BDNF: variants seen among roughly 807,000 people sequenced by gnomAD.
The protein encoded by BDNF is brain derived neurotrophic factor.
Under a neutral mutation model 19.5 loss-of-function variants are expected in BDNF, and 1 was observed. That is an observed-to-expected ratio of 0.05 (90% confidence interval 0.02 to 0.24). BDNF has a LOEUF of 0.24. Ranked by LOEUF, BDNF falls within the 10% of genes least tolerant of loss-of-function variation. The pLI, the probability that BDNF is intolerant of heterozygous loss-of-function variation, is 1.00. For synonymous variants in BDNF, 100 were observed against 121.6 expected, an observed-to-expected ratio of 0.82 and a Z score of 1.17; for missense variants, 195 against 317.6, an observed-to-expected ratio of 0.61 and a Z score of 2.93.
At chr11:27,718,354 A>ACAAC (rs1554950385) in intron 1 of BDNF, among the ~76,000 whole-genome samples, 3 of 101,112 alleles carry the variant, frequency 3.0e-5, no homozygotes, top group Non-Finnish European at 6.1e-5. Context: ...TCCGCACACC[A>ACAAC]CCCCCCCCCG....
chr11:27,678,172 T>TAATA (rs537310665), intron 1 of BDNF, among the ~76,000 whole-genome samples: 60 of 152,294 alleles, frequency 3.9e-4, no homozygotes, highest in Non-Finnish European at 6.6e-4. Context: ...CTTACCACTG[T>TAATA]AATATGATGA....
rs376946177 is a variant in BDNF at position 27,658,668 on chromosome 11, A to G, written c.-21-83T>C. ...ATGCCATGTGGCCCATCTGATTGTA[A>G]TTCCAGGCCATTCTGCAGGGTCAAG... is the stretch of plus-strand genomic sequence containing the variant. On this transcript the variant is annotated intron_variant, in intron 1 of 1. Coordinates refer to ENST00000356660, the MANE Select transcript of BDNF (RefSeq NM_001709.5). The surrounding 1 kb of genome is among the most constrained non-coding windows in gnomAD (Gnocchi z 5.7). 2.5e-6 allele frequency: 4 copies of G among 1,611,498 alleles called. No homozygotes were observed. Among genetic ancestry groups the G allele is most frequent in the East Asian group, 4.5e-5 (2 of 44,872 alleles).
intron 1 of BDNF, chr11:27,720,428 C>T (rs1860704867): frequency 1.0e-6 from 1 of 985,830 alleles, no homozygotes; most frequent in Non-Finnish European, 1.2e-6. Context: ...AGTATACCAA[C>T]CCGGAGCTTG....
chr11:27,655,262 G>C lies in BDNF; in HGVS notation c.*2559C>G, dbSNP rs368036351. 5.2e-5 allele frequency: 8 copies of C among 152,424 alleles called. No individual in the cohort carries two copies. Among genetic ancestry groups the C allele is most frequent in the African/African-American group, 1.9e-4 (8 of 41,388 alleles). The allele number at this position is 152,424 out of a possible 1,614,324, so 9.4% of individuals were successfully genotyped here. On this transcript the variant is annotated 3_prime_UTR_variant, in exon 2 of 2. Transcript: ENST00000356660. Reference sequence around the variant, plus strand: ...AAACAAAACAAAACAGAACAAGAACGAACACAACAGAGAGAGATTTTAACA... The same window carrying C: ...AAACAAAACAAAACAGAACAAGAACCAACACAACAGAGAGAGATTTTAACA...
At chr11:27,671,532 G>T (rs1423621417) in intron 1 of BDNF, among the ~76,000 whole-genome samples, 1 of 152,052 alleles carries the variant, frequency 6.6e-6, no homozygotes, top group Non-Finnish European at 1.5e-5. Context: ...TTGATTTCAT[G>T]CAACCTAAAG....
Position 27,675,945 on chromosome 11 carries a change from A to G in BDNF, c.-21-17360T>C, listed in dbSNP as rs1252357734. ...ACAAAGGCAACCAGACCCACAAGCCATACTGAGTGGATACAAAACCTATAC... is the reference window on the plus strand; with the variant it reads ...ACAAAGGCAACCAGACCCACAAGCCGTACTGAGTGGATACAAAACCTATAC... On this transcript the variant is annotated intron_variant, in intron 1 of 1. Coordinates refer to ENST00000356660, the MANE Select transcript of BDNF (RefSeq NM_001709.5). 5 of 152,230 alleles carry G rather than the reference A, an allele frequency of 3.3e-5. No homozygotes were observed. The South Asian group carries it at 6.2e-4, about 19-fold the overall frequency. 9.4% of individuals were successfully genotyped at this position (152,230 alleles called of 1,614,324 possible). A position where few individuals can be genotyped will look rare whatever the true frequency, so the allele number is the denominator to read the frequency against.
At chr11:27,663,359 C>T (rs1015655298) in intron 1 of BDNF, among the ~76,000 whole-genome samples, 1 of 152,090 alleles carries the variant, frequency 6.6e-6, no homozygotes, top group Admixed American at 6.6e-5. Context: ...CTTTCATAGC[C>T]CCACTGTCAG....
In BDNF at chr11:27,657,020, C is replaced by G; in HGVS notation, c.*801G>C. On this transcript the variant is annotated 3_prime_UTR_variant, in exon 2 of 2. Transcript: ENST00000356660. The surrounding 1 kb of genome is among the most constrained non-coding windows in gnomAD (Gnocchi z 5.0). ...TTCCGTCAAAAGCAGCTTACTCTGA[C>G]CAACGCCCAAAGAATGAGCGGGGCC... is the stretch of plus-strand genomic sequence containing the variant. The G allele has an allele frequency of 1.0e-6, 1 of 985,466 alleles. No individual in the cohort carries two copies. Among genetic ancestry groups the G allele is most frequent in the African/African-American group, 1.7e-5 (1 of 57,362 alleles). 61.0% of individuals were successfully genotyped at this position (985,466 alleles called of 1,614,324 possible).
intron 1 of BDNF, among the ~76,000 whole-genome samples, chr11:27,665,864 C>T (rs1854220892): frequency 1.3e-5 from 2 of 152,036 alleles, no homozygotes; most frequent in South Asian, 4.1e-4. Flanking sequence ...GAACAAAAGA[C>T]AGCAGAAACT....
At chr11:27,688,401 T>G (rs1002106958) in intron 1 of BDNF, among the ~76,000 whole-genome samples, 3 of 152,208 alleles carry the variant, frequency 2.0e-5, no homozygotes, top group African/African-American at 4.8e-5. Context: ...CTTCAGCCCC[T>G]TTCCGGGGGA....
chr11:27,693,810 G>A (rs1858618282), intron 1 of BDNF, among the ~76,000 whole-genome samples: 1 of 152,188 alleles, frequency 6.6e-6, no homozygotes, highest in African/African-American at 2.4e-5. Flanking sequence ...CATGAAGGCA[G>A]AAAGAAAGAA....
chr11:27,662,093 C>T (rs1377590276), intron 1 of BDNF, among the ~76,000 whole-genome samples: 2 of 152,194 alleles, frequency 1.3e-5, no homozygotes, highest in Admixed American at 6.5e-5. Flanking sequence ...ATCTCCACCT[C>T]CTGGGTTCAA....
Position 27,654,918 on chromosome 11 carries a change from A to T in BDNF, c.*2903T>A, listed in dbSNP as rs1397057065. 1 of 152,228 alleles carries T rather than the reference A, an allele frequency of 6.6e-6. No individual in the cohort carries two copies. The highest frequency in any genetic ancestry group is 2.4e-5 in the African/African-American group (1 of 41,452). The allele number at this position is 152,228 out of a possible 1,614,324, so 9.4% of individuals were successfully genotyped here. A position where few individuals can be genotyped will look rare whatever the true frequency, so the allele number is the denominator to read the frequency against. On this transcript the variant is annotated 3_prime_UTR_variant, in exon 2 of 2. Transcript: ENST00000356660. ...TTTTATGTACTTTGAAAATATATTT[A>T]AAAACATTAAAAATTCTATATTTAA...
chr11:27,721,435 G>A (rs1044954108), exon 1 of BDNF: 4 of 1,613,800 alleles, frequency 2.5e-6, no homozygotes, highest in Non-Finnish European at 2.5e-6. Flanking sequence ...CTGTCCTGGA[G>A]ACTCAAGTGT....
chr11:27,712,888 G>A (rs1239549156), intron 1 of BDNF, among the ~76,000 whole-genome samples: 2 of 149,694 alleles, frequency 1.3e-5, no homozygotes, highest in Non-Finnish European at 3.0e-5. Flanking sequence ...TCCATGGCAT[G>A]AAAGTCATTA....
rs1330552462 is a variant in BDNF, at chr11:27,656,951, A to G, written c.*870T>C. On this transcript the variant is annotated 3_prime_UTR_variant, in exon 2 of 2. Transcript: ENST00000356660. ...TAAAACAAAACAAAGAGGAGACCAG[A>G]GGGGGAGGGGGGGAAAGAATGTGTT... 1 of 985,010 alleles carries G rather than the reference A, an allele frequency of 1.0e-6. No individual in the cohort carries two copies. Among genetic ancestry groups the G allele is most frequent in the East Asian group, 1.1e-4 (1 of 8,806 alleles). The allele number at this position is 985,010 out of a possible 1,614,324, so 61.0% of individuals were successfully genotyped here.
At chr11:27,673,221 T>C (rs569168667) in intron 1 of BDNF, among the ~76,000 whole-genome samples, 52 of 146,286 alleles carry the variant, frequency 3.6e-4, no homozygotes, top group African/African-American at 1.3e-3. Flanking sequence ...TTCAAGTCCC[T>C]GCATCCAAGA....
intron 1 of BDNF, among the ~76,000 whole-genome samples, chr11:27,680,300 T>G (rs951807213): frequency 3.3e-5 from 5 of 152,168 alleles, no homozygotes; most frequent in East Asian, 1.9e-4. Flanking sequence ...GGGAGGAAGG[T>G]GGCAAAGGAG....
intron 1 of BDNF, among the ~76,000 whole-genome samples, chr11:27,668,710 G>A (rs1275688726): frequency 2.6e-5 from 4 of 152,078 alleles, no homozygotes; most frequent in Non-Finnish European, 4.4e-5. Flanking sequence ...GACTAAACCA[G>A]GAAGAAGTTG....
Sources: allele counts gnomAD v4.1 joint callset (sites outside exome capture counted in the v4.1 genomes callset), GRCh38; gene constraint gnomAD v4.1.1; non-coding constraint Gnocchi (gnomAD v3.1); transcripts MANE v1.5; gene names NCBI Gene and HGNC (gene_info 2026-07-23, HGNC 2026-07-21).